NCKAP5: variants seen among roughly 807,000 people sequenced by gnomAD.
NCKAP5 encodes the protein NCK associated protein 5.
NCKAP5 carries 92 observed loss-of-function variants against 167.0 expected under a neutral mutation model. That is an observed-to-expected ratio of 0.55 (90% CI 0.47 to 0.66). NCKAP5 has a LOEUF of 0.66. Among genes scored for constraint, NCKAP5 ranks in the 30% least tolerant of loss-of-function variants. NCKAP5 has a pLI of 0.00. For missense variants in NCKAP5, 2,378 were observed against 2,315.0 expected (o/e 1.03, Z -0.56); for synonymous variants, 891 against 877.4 (o/e 1.02, Z -0.27).
chr2:132,952,193 T>C (rs527702691), intron 8 of NCKAP5, among the ~76,000 whole-genome samples: 12 of 152,354 alleles, frequency 7.9e-5, no homozygotes, highest in African/African-American at 2.6e-4. Flanking sequence ...TAATTATCTC[T>C]GGGAACATTT....
intron 4 of NCKAP5, among the ~76,000 whole-genome samples, chr2:133,242,728 G>T (rs1222600265): frequency 6.6e-6 from 1 of 152,188 alleles, no homozygotes; most frequent in East Asian, 1.9e-4. Context: ...TTGAAAAACA[G>T]CGAAGACACT....
At chr2:133,257,747 G>C (rs1294643741) in intron 4 of NCKAP5, among the ~76,000 whole-genome samples, 1 of 152,200 alleles carries the variant, frequency 6.6e-6, no homozygotes, top group Non-Finnish European at 1.5e-5. Context: ...TTGGAGACCA[G>C]AGAGACAAAT....
chr2:133,136,730 G>A (rs547713964), intron 5 of NCKAP5, among the ~76,000 whole-genome samples: 2 of 152,246 alleles, frequency 1.3e-5, no homozygotes, highest in South Asian at 4.1e-4. Context: ...AGGACAAAGG[G>A]ATTCAATGAT....
intron 3 of NCKAP5, among the ~76,000 whole-genome samples, chr2:133,514,710 A>G (rs1396267986): frequency 6.6e-6 from 1 of 152,122 alleles, no homozygotes; most frequent in African/African-American, 2.4e-5. Context: ...TAAGAACGTA[A>G]TATGTTTCTC....
intron 6 of NCKAP5, among the ~76,000 whole-genome samples, chr2:133,004,572 G>A (rs1296766188): frequency 6.6e-6 from 1 of 152,102 alleles, no homozygotes; most frequent in African/African-American, 2.4e-5. Flanking sequence ...GAGATCACAT[G>A]CTTCATAGGG....
chr2:133,063,520 A>G (rs1269509460), intron 6 of NCKAP5, among the ~76,000 whole-genome samples: 1 of 152,214 alleles, frequency 6.6e-6, no homozygotes, highest in Non-Finnish European at 1.5e-5. Context: ...CTGATAACTG[A>G]ATATGAGTTT....
chr2:132,883,390 C>T (rs1691945602), intron 8 of NCKAP5, among the ~76,000 whole-genome samples: 1 of 152,138 alleles, frequency 6.6e-6, no homozygotes, highest in African/African-American at 2.4e-5. Context: ...ACCTTTGCCC[C>T]CACCCTTGGT....
intron 13 of NCKAP5, among the ~76,000 whole-genome samples, chr2:132,786,456 T>C (rs553123528): frequency 6.6e-6 from 1 of 152,304 alleles, no homozygotes; most frequent in Non-Finnish European, 1.5e-5. Context: ...CATACACACA[T>C]ACACAGCAGC....
At chr2:133,352,189 C>T (rs1684409583) in intron 3 of NCKAP5, among the ~76,000 whole-genome samples, 1 of 152,142 alleles carries the variant, frequency 6.6e-6, no homozygotes, top group Non-Finnish European at 1.5e-5. Flanking sequence ...CTCTGTATCC[C>T]CCTCCCTGTT....
the NCKAP5 span, among the ~76,000 whole-genome samples, chr2:133,664,790 A>T: frequency 1.9e-4 from 29 of 152,170 alleles, no homozygotes; most frequent in East Asian, 3.9e-4. Flanking sequence ...GAGCCACCGC[A>T]CCCAGCCGAA....
chr2:133,317,501 G>A (rs545047708), intron 3 of NCKAP5, among the ~76,000 whole-genome samples: 1 of 152,192 alleles, frequency 6.6e-6, no homozygotes, highest in African/African-American at 2.4e-5. Flanking sequence ...TTGGGGTTGG[G>A]TTCTGTGCAG....
At chr2:132,825,638 A>T (rs1212886005) in intron 11 of NCKAP5, among the ~76,000 whole-genome samples, 2 of 152,224 alleles carry the variant, frequency 1.3e-5, no homozygotes, top group Non-Finnish European at 2.9e-5. Flanking sequence ...AGCAGAATTC[A>T]GTACAAAGGA....
intron 8 of NCKAP5, among the ~76,000 whole-genome samples, chr2:132,922,754 C>T (rs1369671748): frequency 6.6e-6 from 1 of 152,204 alleles, no homozygotes; most frequent in East Asian, 1.9e-4. Flanking sequence ...CCTCAAAAAT[C>T]ATACAGCCAG....
chr2:132,818,669 CAG>C (rs1239702740), intron 11 of NCKAP5, among the ~76,000 whole-genome samples: 1 of 152,196 alleles, frequency 6.6e-6, no homozygotes, highest in East Asian at 1.9e-4. Context: ...GCCTGGGTGA[CAG>C]AGTGTGACCT....
chr2:132,850,489 C>T (rs1688992772), intron 11 of NCKAP5, among the ~76,000 whole-genome samples: 2 of 151,840 alleles, frequency 1.3e-5, no homozygotes, highest in African/African-American at 4.8e-5. Context: ...GGCTCATCTC[C>T]CTGTTTGTAA....
At chr2:132,948,545 G>A (rs1359466193) in intron 8 of NCKAP5, among the ~76,000 whole-genome samples, 1 of 152,170 alleles carries the variant, frequency 6.6e-6, no homozygotes, top group Non-Finnish European at 1.5e-5. Flanking sequence ...CAGAGCAAAG[G>A]TTTGGGGCCC....
At chr2:133,267,296 C>CA (rs2089289022) in intron 4 of NCKAP5, 1 of 151,628 alleles carries the variant, frequency 6.6e-6, no homozygotes, top group South Asian at 2.1e-4. Flanking sequence ...TTCACGCCCC[C>CA]ACCCCCAGCC....
intron 2 of NCKAP5, among the ~76,000 whole-genome samples, chr2:133,522,929 C>A (rs966323699): frequency 6.6e-6 from 1 of 152,172 alleles, no homozygotes; most frequent in Admixed American, 6.5e-5. Flanking sequence ...CCTCTCCTTC[C>A]CTCCGTGGGG....
chr2:133,208,102 G>A (rs900036217), intron 5 of NCKAP5, among the ~76,000 whole-genome samples: 2 of 152,152 alleles, frequency 1.3e-5, no homozygotes, highest in Non-Finnish European at 2.9e-5. Flanking sequence ...ACTTCAGGAG[G>A]CCAAGGCAGG....
Sources: allele counts gnomAD v4.1 joint callset (sites outside exome capture counted in the v4.1 genomes callset), GRCh38; gene constraint gnomAD v4.1.1; transcripts MANE v1.5; gene names NCBI Gene and HGNC (gene_info 2026-07-23, HGNC 2026-07-21).